The following EYS variants were observed in gnomAD, a reference collection of about 807,000 sequenced individuals.
EYS encodes EGF-like photoreceptor maintenance factor.
A neutral mutation model predicts 282.1 loss-of-function variants in EYS; 250 were observed. That is an observed-to-expected ratio of 0.89 (90% CI 0.80 to 0.98). The LOEUF (loss-of-function observed/expected upper bound fraction) is 0.98, where lower values mean the gene tolerates loss of function less well. Among genes scored for constraint, EYS ranks in the 50% least tolerant of loss-of-function variants. EYS has a pLI of 0.00. For missense variants in EYS, 4,016 were observed against 3,709.0 expected, an observed-to-expected ratio of 1.08 and a Z score of -2.15; for synonymous variants, 1,355 against 1,282.9, an observed-to-expected ratio of 1.06 and a Z score of -1.20.
intron 35 of EYS, among the ~76,000 whole-genome samples, chr6:63,930,563 GTTT>G (rs1291903100): frequency 1.3e-5 from 2 of 151,900 alleles, no homozygotes; most frequent in Non-Finnish European, 2.9e-5. Context: ...TCAAATCATT[GTTT>G]TTTTAACTGA....
At chr6:64,996,921 C>T (rs1771283151) in intron 14 of EYS, among the ~76,000 whole-genome samples, 1 of 152,074 alleles carries the variant, frequency 6.6e-6, no homozygotes, top group Non-Finnish European at 1.5e-5. Context: ...GTATTGTAGC[C>T]CTGACTTGTG....
chr6:64,502,106 A>G (rs1777064771), intron 26 of EYS, among the ~76,000 whole-genome samples: 1 of 152,156 alleles, frequency 6.6e-6, no homozygotes, highest in Admixed American at 6.5e-5. Context: ...TAATTATTAC[A>G]TTTGTGTTTC....
intron 12 of EYS, among the ~76,000 whole-genome samples, chr6:65,061,457 T>C (rs1773571114): frequency 6.6e-6 from 1 of 151,822 alleles, no homozygotes; most frequent in African/African-American, 2.4e-5. Flanking sequence ...ATATACTCAC[T>C]CCACACATGC....
rs1765377128 is a variant in EYS at position 65,595,610 on chromosome 6, C to T, written c.-333+44168G>A. On this transcript the variant is annotated intron_variant, in intron 2 of 42. Transcript: ENST00000503581. ...CTAAGGAGTTAATGCATGTAAAATA[C>T]CTAGGACATAAAGCGTCAATAAAAC... 2.0e-5 allele frequency among the ~76,000 whole-genome samples: 3 copies of T among 151,284 alleles called. No homozygotes were observed. The South Asian group carries it at 6.3e-4, about 32-fold the overall frequency.
At chr6:64,492,702 G>C (rs1389817712) in intron 26 of EYS, among the ~76,000 whole-genome samples, 2 of 151,266 alleles carry the variant, frequency 1.3e-5, no homozygotes, top group African/African-American at 4.8e-5. Context: ...ATCTACAGCT[G>C]GAATGGAGGA....
chr6:65,149,268 C>T (rs1212121409), intron 12 of EYS, among the ~76,000 whole-genome samples: 4 of 152,068 alleles, frequency 2.6e-5, no homozygotes, highest in Admixed American at 6.6e-5. Flanking sequence ...AAATTTCTTC[C>T]ACCAGATATC....
intron 39 of EYS, chr6:63,787,485 A>C (rs1770395952): frequency 6.6e-6 from 1 of 152,252 alleles, no homozygotes. Flanking sequence ...TGATTCCTTT[A>C]AATCATGCTC....
chr6:64,391,832 A>G (rs1773160975), intron 28 of EYS, among the ~76,000 whole-genome samples: 1 of 152,194 alleles, frequency 6.6e-6, no homozygotes, highest in Non-Finnish European at 1.5e-5. Flanking sequence ...AAGACTGGCA[A>G]ATTGGGTAAA....
intron 14 of EYS, among the ~76,000 whole-genome samples, chr6:64,997,052 T>C (rs1195635626): frequency 6.6e-6 from 1 of 152,058 alleles, no homozygotes. Flanking sequence ...TTGCCAACCA[T>C]GTCACAGATC....
intron 22 of EYS, among the ~76,000 whole-genome samples, chr6:64,714,587 G>A (rs1433434988): frequency 6.9e-6 from 1 of 144,114 alleles, no homozygotes; most frequent in Non-Finnish European, 1.5e-5. Flanking sequence ...GTGCAGTGGC[G>A]CAATCTCGGC....
chr6:64,795,100 T>C (rs1021653547), intron 22 of EYS, among the ~76,000 whole-genome samples: 22 of 151,998 alleles, frequency 1.4e-4, no homozygotes, highest in African/African-American at 4.6e-4. Flanking sequence ...CTGGGCATGG[T>C]GGCAGATGTT....
chr6:65,585,972 C>T (rs1404500690), intron 2 of EYS, among the ~76,000 whole-genome samples: 1 of 151,926 alleles, frequency 6.6e-6, no homozygotes, highest in Non-Finnish European at 1.5e-5. Context: ...AGAGCAATTA[C>T]TTGTGCACCT....
chr6:64,686,427 T>C (rs1377265444), intron 22 of EYS, among the ~76,000 whole-genome samples: 1 of 151,598 alleles, frequency 6.6e-6, no homozygotes, highest in Non-Finnish European at 1.5e-5. Context: ...ATAAATGAAA[T>C]AGAATTATAT....
chr6:65,193,366 G>A (rs1765687212), intron 12 of EYS, among the ~76,000 whole-genome samples: 1 of 151,712 alleles, frequency 6.6e-6, no homozygotes. Flanking sequence ...TTGTAACCCT[G>A]AAAATTACTT....
chr6:65,491,027 C>A (rs1249892353), intron 4 of EYS, among the ~76,000 whole-genome samples: 1 of 151,088 alleles, frequency 6.6e-6, no homozygotes, highest in Admixed American at 6.6e-5. Context: ...ATTTAAGTAC[C>A]AGTTTTTCAA....
intron 1 of EYS, among the ~76,000 whole-genome samples, chr6:65,650,824 C>CTTATTT (rs1767626052): frequency 6.6e-6 from 1 of 152,066 alleles, no homozygotes; most frequent in Non-Finnish European, 1.5e-5. Context: ...ACTGTTTTAT[C>CTTATTT]TTATTTTTAC....
rs35380128 is a variant in EYS, at chr6:64,675,010, A to G, written c.3444-48765T>C. Among the ~76,000 whole-genome samples, 708 of 152,278 alleles carry G rather than the reference A, an allele frequency of 4.6e-3. 3 individuals carry two copies. The highest frequency in any genetic ancestry group is 5.1e-3 in the Non-Finnish European group (346 of 68,018). The stretch of plus-strand genomic sequence containing the variant: ...ATCATGCTGAAATTGTCAATAACCC[A>G]CTTTTATTTCTACTGTTGCCCAAAT... On this transcript the variant is annotated intron_variant, in intron 22 of 42. Transcript: ENST00000503581.
intron 22 of EYS, among the ~76,000 whole-genome samples, chr6:64,708,025 C>A (rs1038656605): frequency 6.6e-6 from 1 of 151,414 alleles, no homozygotes; most frequent in African/African-American, 2.4e-5. Flanking sequence ...CAAAAAAAAA[C>A]CCGGATAAAC....
intron 13 of EYS, among the ~76,000 whole-genome samples, chr6:65,048,562 T>C (rs1387719434): frequency 1.3e-5 from 2 of 151,922 alleles, no homozygotes; most frequent in African/African-American, 4.8e-5. Context: ...TATATACTTC[T>C]TTTTGACTGG....
Sources: gnomAD v4.1 joint callset for allele counts (sites outside exome capture counted in the v4.1 genomes callset) on GRCh38, gnomAD v4.1.1 for gene constraint, MANE v1.5 for transcripts, NCBI Gene and HGNC (gene_info 2026-07-23, HGNC 2026-07-21) for gene names.